GSE1: variants seen among roughly 807,000 people sequenced by gnomAD.
GSE1 encodes the protein genetic suppressor element 1.
GSE1 carries 32 observed loss-of-function variants against 112.6 expected under a neutral mutation model. The observed-to-expected ratio is 0.28, with a 90% CI of 0.21 to 0.38. The LOEUF is 0.38. Ranked by LOEUF, GSE1 falls within the 10% of genes least tolerant of loss-of-function variation. The probability of loss-of-function intolerance (pLI) is 1.00; values close to 1 mark genes in which losing one functional copy is unlikely to be tolerated. For missense variants in GSE1, 2,348 were observed against 1,699.2 expected, an observed-to-expected ratio of 1.38 and a Z score of -6.71; for synonymous variants, 1,115 against 735.6, an observed-to-expected ratio of 1.52 and a Z score of -8.35.
At chr16:85,476,593 A>C (rs2050463001) in intron 2 of GSE1, among the ~76,000 whole-genome samples, 1 of 151,914 alleles carries the variant, frequency 6.6e-6, no homozygotes, top group Non-Finnish European at 1.5e-5. Context: ...CACTGCCTGG[A>C]ATGCTGTTCC....
intron 2 of GSE1, among the ~76,000 whole-genome samples, chr16:85,447,169 C>T (rs1426689420): frequency 6.6e-6 from 1 of 152,158 alleles, no homozygotes; most frequent in Non-Finnish European, 1.5e-5. Context: ...GCCGGGCCCA[C>T]CTTGCCTGCT....
chr16:85,403,538 C>G (rs1346632646), intron 2 of GSE1, among the ~76,000 whole-genome samples: 1 of 152,110 alleles, frequency 6.6e-6, no homozygotes, highest in Non-Finnish European at 1.5e-5. Context: ...ACCTGAAATC[C>G]CAGCACTTTG....
At chr16:85,313,958 AGT>A (rs1353874133) in intron 1 of GSE1, among the ~76,000 whole-genome samples, 1 of 139,272 alleles carries the variant, frequency 7.2e-6, no homozygotes, top group East Asian at 2.0e-4. Context: ...GACATAGCCT[AGT>A]GTGTGTGTGA....
intron 2 of GSE1, among the ~76,000 whole-genome samples, chr16:85,421,588 G>T (rs2048846493): frequency 6.6e-6 from 1 of 152,196 alleles, no homozygotes; most frequent in South Asian, 2.1e-4. Context: ...GGGAGGAGAA[G>T]GCAGGTTTTC....
At chr16:85,413,645 T>C (rs1157725566) in intron 2 of GSE1, among the ~76,000 whole-genome samples, 1 of 152,114 alleles carries the variant, frequency 6.6e-6, no homozygotes, top group African/African-American at 2.4e-5. Context: ...TAGCAGACTG[T>C]ACCTTATAAA....
chr16:85,214,246 C>T (rs2075273268), intron 1 of GSE1, among the ~76,000 whole-genome samples: 1 of 152,138 alleles, frequency 6.6e-6, no homozygotes, highest in Admixed American at 6.5e-5. Flanking sequence ...GGTGAGGGCC[C>T]CCCCACCCAG....
chr16:85,550,385 C>T (rs543391510), intron 2 of GSE1, among the ~76,000 whole-genome samples: 7 of 152,286 alleles, frequency 4.6e-5, no homozygotes, highest in Admixed American at 1.3e-4. Flanking sequence ...ATCCAATGCG[C>T]TATCCAGGAA....
intron 2 of GSE1, among the ~76,000 whole-genome samples, chr16:85,464,927 C>T (rs1362315134): frequency 1.3e-5 from 2 of 152,230 alleles, no homozygotes; most frequent in African/African-American, 2.4e-5. Flanking sequence ...ACGCCTCAGT[C>T]CTCATGGCAG....
At chr16:85,268,376 G>A (rs1908478973) in intron 1 of GSE1, among the ~76,000 whole-genome samples, 3 of 152,198 alleles carry the variant, frequency 2.0e-5, no homozygotes, top group South Asian at 2.1e-4. Flanking sequence ...GAGTGACCGC[G>A]CCGAGCCCCC....
intron 2 of GSE1, among the ~76,000 whole-genome samples, chr16:85,408,846 GC>G (rs1161885667): frequency 4.1e-5 from 2 of 48,896 alleles, no homozygotes; most frequent in Admixed American, 1.7e-4. Flanking sequence ...TTACACTCAG[GC>G]CCCCCTGGAT....
intron 1 of GSE1, among the ~76,000 whole-genome samples, chr16:85,266,505 A>G (rs1908263178): frequency 1.3e-5 from 2 of 152,110 alleles, no homozygotes; most frequent in South Asian, 2.1e-4. Flanking sequence ...ACTTTGAGGT[A>G]GCTTCTGTTG....
chr16:85,516,485 C>T (rs1011263892), intron 2 of GSE1, among the ~76,000 whole-genome samples: 1 of 144,064 alleles, frequency 6.9e-6, no homozygotes. Context: ...AAAAAATTAG[C>T]CAGGCTTGGA....
At chr16:85,212,056 C>T (rs746579333) in intron 1 of GSE1, among the ~76,000 whole-genome samples, 1 of 152,180 alleles carries the variant, frequency 6.6e-6, no homozygotes, top group Non-Finnish European at 1.5e-5. Context: ...GCCCTGACCC[C>T]CAGTTCCTCG....
At chr16:85,564,233 T>G (rs1398112909) in intron 1 of GSE1, among the ~76,000 whole-genome samples, 1 of 152,028 alleles carries the variant, frequency 6.6e-6, no homozygotes, top group Non-Finnish European at 1.5e-5. Context: ...GTATGGAGCT[T>G]CGAGGTGAGT....
chr16:85,605,510 G>T (rs1353591735), intron 1 of GSE1, among the ~76,000 whole-genome samples: 1 of 152,090 alleles, frequency 6.6e-6, no homozygotes, highest in Non-Finnish European at 1.5e-5. Flanking sequence ...ACTGGGCATG[G>T]CTCTCTCTAT....
At chr16:85,498,500 C>T (rs2051256153) in intron 2 of GSE1, among the ~76,000 whole-genome samples, 1 of 152,182 alleles carries the variant, frequency 6.6e-6, no homozygotes, top group African/African-American at 2.4e-5. Flanking sequence ...CATACAGACA[C>T]ACAAACATAC....
chr16:85,283,058 G>C (rs559973909), intron 1 of GSE1: 2 of 152,680 alleles, frequency 1.3e-5, no homozygotes, highest in African/African-American at 4.8e-5. Context: ...TCCCTCCCAC[G>C]GTAGGCGCAT....
chr16:85,568,586 G>A (rs2045855483), intron 1 of GSE1, among the ~76,000 whole-genome samples: 1 of 152,228 alleles, frequency 6.6e-6, no homozygotes, highest in African/African-American at 2.4e-5. Context: ...GTTGACTTCA[G>A]TACAGGGTTG....
chr16:85,668,205 C>G lies in GSE1; in HGVS notation c.3196C>G (p.Pro1066Ala). 6.2e-7 allele frequency: 1 copy of G among 1,610,500 alleles called. No homozygotes were observed. Among genetic ancestry groups the G allele is most frequent in the Non-Finnish European group, 8.5e-7 (1 of 1,176,864 alleles). ...KVDTSVHYNI[P>A]ELQSSSRAPP... Reference sequence around the variant, plus strand: ...TGACACGTCCGTCCACTACAACATTCCTGAGCTGCAGTCCTCCAGCCGCGC... The same window carrying G: ...TGACACGTCCGTCCACTACAACATTGCTGAGCTGCAGTCCTCCAGCCGCGC... Residue 1066 changes from proline to alanine, a missense_variant, in exon 14 of 16, where the codon CCT becomes GCT. Coordinates refer to ENST00000253458, the MANE Select transcript of GSE1 (RefSeq NM_014615.5).
Sources: allele counts gnomAD v4.1 joint callset (sites outside exome capture counted in the v4.1 genomes callset), GRCh38; gene constraint gnomAD v4.1.1; transcripts MANE v1.5; gene names NCBI Gene and HGNC (gene_info 2026-07-23, HGNC 2026-07-21).